Variants in PRRX2 observed in about 807,000 individuals in gnomAD.
PRRX2 encodes the protein paired related homeobox 2, also known as paired mesoderm homeobox protein 2.
A neutral mutation model predicts 18.0 loss-of-function variants in PRRX2; 11 were observed. The ratio of observed to expected loss-of-function variants is 0.61; its 90% CI spans 0.39 to 1.01. The LOEUF is 1.01. PRRX2 is among the 50% of genes least tolerant of loss of function. The probability of loss-of-function intolerance (pLI) is 0.01; values close to 1 mark genes in which losing one functional copy is unlikely to be tolerated. For synonymous variants in PRRX2, 177 were observed against 154.8 expected (o/e 1.14, Z -1.06); for missense variants, 387 against 351.0 (o/e 1.10, Z -0.82).
chr9:129,686,385 C>T (rs1263674576), intron 1 of PRRX2, among the ~76,000 whole-genome samples: 6 of 152,278 alleles, frequency 3.9e-5, no homozygotes, highest in South Asian at 2.1e-4. Flanking sequence ...CTTGCTGTGT[C>T]GCCCAGGCTG....
chr9:129,683,840 C>T (rs1229490861), intron 1 of PRRX2, among the ~76,000 whole-genome samples: 3 of 152,100 alleles, frequency 2.0e-5, no homozygotes, highest in Non-Finnish European at 1.5e-5. Flanking sequence ...GAGGCGGGAG[C>T]GCCACCCCCA....
chr9:129,680,824 C>A (rs1334237848), intron 1 of PRRX2, among the ~76,000 whole-genome samples: 2 of 152,318 alleles, frequency 1.3e-5, no homozygotes, highest in East Asian at 3.9e-4. Context: ...CTGGATGTGA[C>A]CGCCACTCCT....
chr9:129,673,053 G>A (rs1169489264), intron 1 of PRRX2, among the ~76,000 whole-genome samples: 1 of 152,158 alleles, frequency 6.6e-6, no homozygotes, highest in African/African-American at 2.4e-5. Context: ...GCATACAGTG[G>A]ACAGCGTTAA....
Position 129,679,415 on chromosome 9 carries a change from G to C in PRRX2, c.259+13289G>C, listed in dbSNP as rs138560532. On this transcript the variant is annotated intron_variant, in intron 1 of 3. Transcript: ENST00000372469. ...CCATGATCCAAGAGGACCATTTATT[G>C]TGCACCTGCCAAGTGCTACACCCTC... Among the ~76,000 whole-genome samples, 111 of 152,206 alleles carry C rather than the reference G, an allele frequency of 7.3e-4. 1 individual carries two copies. Among genetic ancestry groups the C allele is most frequent in the African/African-American group, 2.6e-3 (110 of 41,530 alleles).
At chr9:129,672,098 A>G (rs1052629198) in intron 1 of PRRX2, among the ~76,000 whole-genome samples, 1 of 152,138 alleles carries the variant, frequency 6.6e-6, no homozygotes, top group African/African-American at 2.4e-5. Context: ...GTGGTTTCCT[A>G]GACCCTAAAG....
intron 1 of PRRX2, among the ~76,000 whole-genome samples, chr9:129,680,700 C>G (rs2119061692): frequency 6.6e-6 from 1 of 152,234 alleles, no homozygotes; most frequent in East Asian, 1.9e-4. Flanking sequence ...ACACCCCGCC[C>G]CCAGCCCGCA....
intron 1 of PRRX2, among the ~76,000 whole-genome samples, chr9:129,687,661 C>T (rs1329637773): frequency 1.8e-4 from 27 of 152,172 alleles, no homozygotes; most frequent in Admixed American, 1.6e-3. Flanking sequence ...CCCTTTTGAT[C>T]GCTGCGCCAA....
At chr9:129,676,936 C>T (rs1033656848) in intron 1 of PRRX2, among the ~76,000 whole-genome samples, 2 of 152,224 alleles carry the variant, frequency 1.3e-5, no homozygotes, top group Non-Finnish European at 2.9e-5. Context: ...TTTCATTTCC[C>T]CTCATGGTGA....
Position 129,695,555 on chromosome 9 carries a change from G to A in PRRX2, c.260-23676G>A, listed in dbSNP as rs1401549062. 6.6e-6 allele frequency among the ~76,000 whole-genome samples: 1 copy of A among 152,180 alleles called. No individual in the cohort carries two copies. The highest frequency in any genetic ancestry group is 2.4e-5 in the African/African-American group (1 of 41,444). The stretch of plus-strand genomic sequence containing the variant: ...CTGGGGAAGGGCTCAGTCTTAGCCT[G>A]GCACAGAGCTGGGAGCCGGGCCGGG... On this transcript the variant is annotated intron_variant, in intron 1 of 3. Transcript: ENST00000372469. The surrounding 1 kb of genome is among the most constrained non-coding windows in gnomAD (Gnocchi z 4.8).
rs1482039047 is a variant in PRRX2, at chr9:129,722,282, G to T, written c.692G>T (p.Ser231Ile). ...PATPGVNMANSIASLRLKAKE... is the reference protein window; with the variant it reads ...PATPGVNMANIIASLRLKAKE... Reference sequence around the variant, plus strand: ...ACCCCAGGGGTCAACATGGCCAACAGCATCGCCAGCCTCCGTCTCAAGGCC... The same window carrying T: ...ACCCCAGGGGTCAACATGGCCAACATCATCGCCAGCCTCCGTCTCAAGGCC... Residue 231 changes from serine (S) to isoleucine (I), a missense_variant, in exon 4 of 4, where the codon AGC (serine) becomes ATC (isoleucine). By Grantham distance (142) the Ser-to-Ile change is moderately radical. Coordinates refer to ENST00000372469, the MANE Select transcript of PRRX2 (RefSeq NM_016307.4). The T allele has an allele frequency of 6.2e-7, 1 of 1,614,028 alleles. No individual in the cohort carries two copies. Among genetic ancestry groups the T allele is most frequent in the Non-Finnish European group, 8.5e-7 (1 of 1,180,004 alleles).
intron 1 of PRRX2, among the ~76,000 whole-genome samples, chr9:129,707,440 A>G (rs1284008694): frequency 6.6e-6 from 1 of 152,090 alleles, no homozygotes; most frequent in Non-Finnish European, 1.5e-5. Flanking sequence ...TTATTTATTC[A>G]TTCACCAGTT....
intron 1 of PRRX2, among the ~76,000 whole-genome samples, chr9:129,677,958 C>CTTTTT (rs760645440): frequency 1.3e-3 from 152 of 113,100 alleles, no homozygotes; most frequent in Middle Eastern, 4.7e-3. Context: ...TTCTTTCTTT[C>CTTTTT]TTTTTTTTTT....
At chr9:129,690,725 C>T (rs1832350983) in intron 1 of PRRX2, among the ~76,000 whole-genome samples, 1 of 151,738 alleles carries the variant, frequency 6.6e-6, no homozygotes, top group Non-Finnish European at 1.5e-5. Context: ...CCAGGCTGGT[C>T]TTGAACTCCT....
chr9:129,684,532 A>ACACACACACCCCC (rs1165343797), intron 1 of PRRX2, among the ~76,000 whole-genome samples: 8 of 140,282 alleles, frequency 5.7e-5, no homozygotes, highest in Non-Finnish European at 1.1e-4. Flanking sequence ...ACCCACACAC[A>ACACACACACCCCC]CCCCAACAGA....
intron 1 of PRRX2, among the ~76,000 whole-genome samples, chr9:129,676,471 C>T (rs141662230): frequency 1.6e-4 from 24 of 152,290 alleles, no homozygotes; most frequent in Non-Finnish European, 3.1e-4. Context: ...ATCGTGGTTA[C>T]AGCTGAGGAA....
chr9:129,696,446 G>A (rs2130921629), intron 1 of PRRX2, among the ~76,000 whole-genome samples: 2 of 152,200 alleles, frequency 1.3e-5, no homozygotes, highest in Non-Finnish European at 2.9e-5. Context: ...GTGGTAGTGG[G>A]CGCCTGTAAT....
At position 129,695,953 on chromosome 9, in the gene PRRX2, T is replaced by G. The variant is rs1460321683; in HGVS notation, c.260-23278T>G. Among the ~76,000 whole-genome samples the G allele has an allele frequency of 6.6e-6, 1 of 152,198 alleles. No individual in the cohort carries two copies. Among genetic ancestry groups the G allele is most frequent in the Non-Finnish European group, 1.5e-5 (1 of 68,040 alleles). The stretch of plus-strand genomic sequence containing the variant: ...ACATGGCACTTTGATGTGGCCCCAT[T>G]TCCTTATAAAGCCCCCTCTGAGAAG... On this transcript the variant is annotated intron_variant, in intron 1 of 3. Coordinates refer to ENST00000372469, the MANE Select transcript of PRRX2 (RefSeq NM_016307.4). The surrounding 1 kb of genome is among the most constrained non-coding windows in gnomAD (Gnocchi z 4.8).
rs1203441104 is a variant in PRRX2, at chr9:129,722,204, A to C, written c.627-13A>C. The C allele has an allele frequency of 6.2e-7, 1 of 1,611,440 alleles. No individual in the cohort carries two copies. Among genetic ancestry groups the C allele is most frequent in the African/African-American group, 1.3e-5 (1 of 74,846 alleles). ...ACCGCACCCATGTGACCTGTGTCTC[A>C]TGTCGCCCCCAGCACAGTGCCACCC... On this transcript the variant is annotated splice_polypyrimidine_tract_variant and intron_variant, in intron 3 of 3. Coordinates refer to ENST00000372469, the MANE Select transcript of PRRX2 (RefSeq NM_016307.4).
At chr9:129,681,059 C>A (rs967398568) in intron 1 of PRRX2, among the ~76,000 whole-genome samples, 1 of 152,374 alleles carries the variant, frequency 6.6e-6, no homozygotes, top group Middle Eastern at 3.4e-3. Context: ...CAGATGGGTA[C>A]TCCCTGCGTG....
Sources: gnomAD v4.1 joint callset for allele counts (sites outside exome capture counted in the v4.1 genomes callset) on GRCh38, gnomAD v4.1.1 for gene constraint, Gnocchi (gnomAD v3.1) non-coding constraint, MANE v1.5 for transcripts, NCBI Gene and HGNC (gene_info 2026-07-23, HGNC 2026-07-21) for gene names.